The following RASGRP2 variants were observed in gnomAD, a reference collection of about 807,000 sequenced individuals.
RASGRP2 encodes the protein RAS guanyl releasing protein 2.
In RASGRP2, 44 loss-of-function variants were observed where a neutral mutation model predicts 71.0. The ratio of observed to expected loss-of-function variants is 0.62; its 90% CI spans 0.49 to 0.80. The LOEUF is 0.80. RASGRP2 is among the 30% of genes least tolerant of loss of function. The pLI is 0.00. For synonymous variants in RASGRP2, 350 were observed against 330.7 expected (o/e 1.06, Z -0.63); for missense variants, 663 against 813.4 (o/e 0.82, Z 2.25).
chr11:64,740,331 C>A (rs2058082218), intron 5 of RASGRP2, 168 bp from the exon 6 acceptor site: 1 of 776,228 alleles, frequency 1.3e-6, no homozygotes, highest in Non-Finnish European at 2.3e-6. Context: ...TCCCCCGACC[C>A]CGTCATGCAC....
chr11:64,729,669 T>C, intron 14 of RASGRP2, 93 bp downstream of exon 14: 4 of 1,464,528 alleles, frequency 2.7e-6, no homozygotes, highest in Non-Finnish European at 3.8e-6. Flanking sequence ...CTTCACTCCT[T>C]GGCAATTGCC....
intron 8 of RASGRP2, among the ~76,000 whole-genome samples, chr11:64,737,825 G>A (rs1479900933): frequency 3.3e-5 from 5 of 152,064 alleles, no homozygotes; most frequent in Non-Finnish European, 7.4e-5. Context: ...AGGCTAAAGC[G>A]GGTGGATTGC....
In RASGRP2 at chr11:64,742,592, G is replaced by C. The variant is rs190898384; in HGVS notation, c.73+202C>G. On this transcript the variant is annotated intron_variant, in intron 2 of 16. Coordinates refer to ENST00000394432, the MANE Select transcript of RASGRP2 (RefSeq NM_001098671.2). This position sits in a 1 kb window ranked among gnomAD's most constrained non-coding sequence, Gnocchi z 4.7. ...CCTTCGCCGCCGCTGGGGAAGGCTA[G>C]AGAAGGGAAACCTCATCTGTCTGAA... 38 of 710,844 alleles carry C rather than the reference G, an allele frequency of 5.3e-5. No individual in the cohort carries two copies. In the African/African-American group the frequency reaches 6.0e-4, roughly 11 times the overall value. 44.0% of individuals were successfully genotyped at this position (710,844 alleles called of 1,614,324 possible). A position where few individuals can be genotyped will look rare whatever the true frequency, so the allele number is the denominator to read the frequency against.
chr11:64,741,675 G>T, intron 3 of RASGRP2, 174 bp from the exon 4 acceptor site: 4 of 717,028 alleles, frequency 5.6e-6, no homozygotes. Flanking sequence ...GGGGGTGGAG[G>T]ACTAGGTGCT....
rs907671862 is a variant in RASGRP2, at chr11:64,735,557, G to T, written c.1281C>A (p.Ile427=). 2 of 1,613,924 alleles carry T rather than the reference G, an allele frequency of 1.2e-6. No homozygotes were observed. The highest frequency in any genetic ancestry group is 1.6e-4 in the Middle Eastern group (1 of 6,084). The change falls in exon 11 of 17, where the codon ATC becomes ATA. Residue 427 remains isoleucine (I), a synonymous_variant. Transcript: ENST00000394432. This position sits in a 1 kb window ranked among gnomAD's most constrained non-coding sequence, Gnocchi z 4.2. The part of the protein sequence containing the change: ...KLDQALVVEH[I]EKMVESVFRN... The stretch of plus-strand genomic sequence containing the variant: ...AGGAGCTCACCTCCACCATCTTCTC[G>T]ATGTGCTCCACCACGAGGGCCTGAT...
At chr11:64,730,509 G>T (rs1465280380) in intron 12 of RASGRP2, among the ~76,000 whole-genome samples, 1 of 152,168 alleles carries the variant, frequency 6.6e-6, no homozygotes, top group African/African-American at 2.4e-5. Context: ...TCGGGCTCCC[G>T]AAGTGTACTG....
rs765918312 is a variant in RASGRP2 at position 64,739,772 on chromosome 11, G to C, written c.560C>G (p.Thr187Ser). Residue 187 changes from threonine (T) to serine (S), a missense_variant, in exon 7 of 17, where the codon ACT (threonine) becomes AGT (serine). Transcript: ENST00000394432. This position sits in a 1 kb window ranked among gnomAD's most constrained non-coding sequence, Gnocchi z 4.2. ...DYHSFVTHGC[T>S]VDNPVLERFI... is the part of the protein sequence containing the mutation. Reference sequence around the variant, plus strand: ...CCGCTCCAGGACGGGGTTGTCCACAGTGCAGCCATGAGTCACGAAACTGTG... The same window carrying C: ...CCGCTCCAGGACGGGGTTGTCCACACTGCAGCCATGAGTCACGAAACTGTG... 6.2e-6 allele frequency: 10 copies of C among 1,613,936 alleles called. No homozygotes were observed. Among genetic ancestry groups the C allele is most frequent in the Non-Finnish European group, 8.5e-6 (10 of 1,179,942 alleles).
chr11:64,728,331 T>C (rs2057641106), intron 15 of RASGRP2, among the ~76,000 whole-genome samples: 1 of 152,250 alleles, frequency 6.6e-6, no homozygotes, highest in Non-Finnish European at 1.5e-5. Flanking sequence ...CTTTCACTTT[T>C]ATACCTCTTT....
intron 15 of RASGRP2, among the ~76,000 whole-genome samples, chr11:64,727,831 G>T (rs2057622661): frequency 6.6e-6 from 1 of 152,058 alleles, no homozygotes; most frequent in Non-Finnish European, 1.5e-5. Flanking sequence ...CCCAATTTTT[G>T]AGGCTCTTTT....
intron 12 of RASGRP2, among the ~76,000 whole-genome samples, 197 bp from the exon 13 acceptor site, chr11:64,730,391 G>A (rs1301399933): frequency 3.3e-5 from 5 of 150,644 alleles, no homozygotes; most frequent in Non-Finnish European, 5.9e-5. Flanking sequence ...GTGGTCTTGG[G>A]CCAGTCCCTT....
chr11:64,738,595 A>G (rs777669545), intron 8 of RASGRP2, among the ~76,000 whole-genome samples: 16 of 152,024 alleles, frequency 1.1e-4, no homozygotes, highest in South Asian at 2.1e-4. Context: ...GCGTGCCACC[A>G]TGCCTGGCTA....
At chr11:64,729,819 T>C (rs772315226) in intron 13 of RASGRP2, 21 bp from the exon 14 acceptor site, 1 of 1,613,666 alleles carries the variant, frequency 6.2e-7, no homozygotes, top group Admixed American at 1.7e-5. Context: ...GGAGGGGCCG[T>C]GGTGGGAGGA....
Position 64,739,892 on chromosome 11 carries a change from A to G in RASGRP2, c.523-83T>C. On this transcript the variant is annotated intron_variant, in intron 6 of 16. Transcript: ENST00000394432. This position sits in a 1 kb window ranked among gnomAD's most constrained non-coding sequence, Gnocchi z 4.2. ...ACTCCTCACCCTCCAGCTGACCTTC[A>G]GTGGTTACACTGAAACCCCTGATGC... 3 of 1,608,670 alleles carry G rather than the reference A, an allele frequency of 1.9e-6. No individual in the cohort carries two copies. Among genetic ancestry groups the G allele is most frequent in the Non-Finnish European group, 1.7e-6 (2 of 1,177,624 alleles).
Position 64,743,220 on chromosome 11 carries a change from G to GC in RASGRP2, c.-71-284dup, listed in dbSNP as rs1327025012. 4 of 520,006 alleles carry GC rather than the reference G, an allele frequency of 7.7e-6. No homozygotes were observed. Among genetic ancestry groups the GC allele is most frequent in the Non-Finnish European group, 1.1e-5 (3 of 268,912 alleles). 32.2% of individuals were successfully genotyped at this position (520,006 alleles called of 1,614,324 possible). On this transcript the variant is annotated intron_variant, in intron 1 of 16. Coordinates refer to ENST00000394432, the MANE Select transcript of RASGRP2 (RefSeq NM_001098671.2). The surrounding 1 kb of genome is among the most constrained non-coding windows in gnomAD (Gnocchi z 4.9). ...AGATCCCAGGACTGGCTGGCGCCCAGCCCCCCGCAGGGCGCCTTCTCCTCG... is the reference window on the plus strand; with the variant it reads ...AGATCCCAGGACTGGCTGGCGCCCAGCCCCCCCGCAGGGCGCCTTCTCCTCG...
chr11:64,732,853 G>T (rs1160935897), intron 12 of RASGRP2, among the ~76,000 whole-genome samples: 1 of 151,972 alleles, frequency 6.6e-6, no homozygotes, highest in Non-Finnish European at 1.5e-5. Flanking sequence ...GGGAGGCTGA[G>T]ACAGGAGAAT....
In RASGRP2 at chr11:64,742,070, AACATGCGC is replaced by A. The variant is rs1565520920; in HGVS notation, c.108_115del (p.Arg37ProfsTer52). On this transcript the variant is annotated frameshift_variant, in exon 3 of 17. Coordinates refer to ENST00000394432, the MANE Select transcript of RASGRP2 (RefSeq NM_001098671.2). LOFTEE classifies it high-confidence loss of function. The surrounding 1 kb of genome is among the most constrained non-coding windows in gnomAD (Gnocchi z 4.7). ...GATGTACCAGGGGTGCATCATGAGGAACATGCGCACCAGCTGCGGGTCCCGCACCTTCC... is the reference window on the plus strand; with the variant it reads ...GATGTACCAGGGGTGCATCATGAGGAACCAGCTGCGGGTCCCGCACCTTCC... 2 of 1,610,462 alleles carry A rather than the reference AACATGCGC, an allele frequency of 1.2e-6. No individual in the cohort carries two copies. Among genetic ancestry groups the A allele is most frequent in the Non-Finnish European group, 1.7e-6 (2 of 1,178,328 alleles).
intron 15 of RASGRP2, 24 bp downstream of exon 15, chr11:64,728,839 C>G (rs776384658): frequency 6.3e-7 from 1 of 1,588,532 alleles, no homozygotes; most frequent in Non-Finnish European, 8.6e-7. Flanking sequence ...CTCCACAGGC[C>G]AGTACAGAAT....
rs2301562 is a variant in RASGRP2 at position 64,730,129 on chromosome 11, C to A, written c.1478G>T (p.Gly493Val). ...GAAGTTGTGTACGAAGCCCATGCGC[C>A]CCCCCAACACAGAGCTGGAGCGCAG... ...YFLRSSSVLGGRMGFVHNFQE... is the reference protein window; with the variant it reads ...YFLRSSSVLGVRMGFVHNFQE... The change falls in exon 13 of 17, where the codon GGG becomes GTG. Residue 493 changes from glycine to valine, a missense_variant. Gly to Val is a moderately radical substitution (Grantham distance 109, BLOSUM62 -3). Coordinates refer to ENST00000394432, the MANE Select transcript of RASGRP2 (RefSeq NM_001098671.2). The A allele has an allele frequency of 6.4e-6, 10 of 1,551,216 alleles. No homozygotes were observed. The African/African-American group carries it at 8.2e-5, about 13-fold the overall frequency.
At chr11:64,732,387 G>A (rs898577922) in intron 12 of RASGRP2, among the ~76,000 whole-genome samples, 6 of 152,052 alleles carry the variant, frequency 3.9e-5, no homozygotes, top group Admixed American at 6.5e-5. Context: ...GGCCAGGTGC[G>A]GTGGCTCACG....
Sources: allele counts gnomAD v4.1 joint callset (sites outside exome capture counted in the v4.1 genomes callset), GRCh38; gene constraint gnomAD v4.1.1; non-coding constraint Gnocchi (gnomAD v3.1); transcripts MANE v1.5; gene names NCBI Gene and HGNC (gene_info 2026-07-23, HGNC 2026-07-21).